The following TCERG1L variants were observed in gnomAD, a reference collection of about 807,000 sequenced individuals.
TCERG1L encodes transcription elongation regulator 1 like.
TCERG1L carries 37 observed loss-of-function variants against 56.3 expected under a neutral mutation model. That is an observed-to-expected ratio of 0.66 (90% CI 0.51 to 0.87). TCERG1L has a LOEUF of 0.87. Among genes scored for constraint, TCERG1L ranks in the 40% least tolerant of loss-of-function variants. The probability of loss-of-function intolerance (pLI) is 0.00; values close to 1 mark genes in which losing one functional copy is unlikely to be tolerated. For missense variants in TCERG1L, 799 were observed against 774.2 expected (o/e 1.03, Z -0.38); for synonymous variants, 324 against 326.3 (o/e 0.99, Z 0.08).
At chr10:131,178,131 G>A (rs1845128320) in intron 4 of TCERG1L, among the ~76,000 whole-genome samples, 1 of 152,084 alleles carries the variant, frequency 6.6e-6, no homozygotes, top group South Asian at 2.1e-4. Context: ...TGAGGACCCT[G>A]CCTCCCTGCT....
chr10:131,210,224 T>A (rs761097661), intron 4 of TCERG1L, among the ~76,000 whole-genome samples: 57 of 152,354 alleles, frequency 3.7e-4, no homozygotes, highest in Non-Finnish European at 6.8e-4. Flanking sequence ...ATTTTCCAGA[T>A]GAGGAGACTG....
chr10:131,111,299 A>G (rs1026618989), intron 9 of TCERG1L, among the ~76,000 whole-genome samples: 2 of 142,076 alleles, frequency 1.4e-5, no homozygotes, highest in Admixed American at 6.9e-5. Flanking sequence ...TGTGGTCCTC[A>G]GGGTGTCCCA....
At chr10:131,302,618 T>C (rs1470842487) in intron 3 of TCERG1L, among the ~76,000 whole-genome samples, 7 of 151,088 alleles carry the variant, frequency 4.6e-5, no homozygotes, top group Admixed American at 2.0e-4. Context: ...CTTTTTTTTT[T>C]TTTTCTCAAT....
intron 4 of TCERG1L, among the ~76,000 whole-genome samples, chr10:131,220,812 G>T (rs1366342772): frequency 6.6e-6 from 1 of 152,228 alleles, no homozygotes; most frequent in Non-Finnish European, 1.5e-5. Context: ...AAGGGGGTGG[G>T]GGTGGAGAGC....
At position 131,092,878 on chromosome 10, in the gene TCERG1L, C is replaced by T. The variant is rs977305185; in HGVS notation, c.*284G>A. 2 of 294,252 alleles carry T rather than the reference C, an allele frequency of 6.8e-6. No homozygotes were observed. The highest frequency in any genetic ancestry group is 4.4e-5 in the African/African-American group (2 of 45,830). The allele number at this position is 294,252 out of a possible 1,614,324, so 18.2% of individuals were successfully genotyped here. A position where few individuals can be genotyped will look rare whatever the true frequency, so the allele number is the denominator to read the frequency against. On this transcript the variant is annotated 3_prime_UTR_variant, in exon 12 of 12. Transcript: ENST00000368642. ...CCGTTCCTGCTTCCCCACAGTCCTGCAGTGGATTGATAATTTGTGTATATT... is the reference window on the plus strand; with the variant it reads ...CCGTTCCTGCTTCCCCACAGTCCTGTAGTGGATTGATAATTTGTGTATATT...
intron 3 of TCERG1L, among the ~76,000 whole-genome samples, chr10:131,285,550 GGAAGGAAGAAAGAA>G (rs1454036706): frequency 0.022 from 3,043 of 139,052 alleles, 74 homozygotes; most frequent in East Asian, 0.044. Flanking sequence ...AAGAAAGAAA[GGAAGGAAGAAAGAA>G]AAAGAAAGAA....
intron 3 of TCERG1L, among the ~76,000 whole-genome samples, chr10:131,298,555 A>C (rs1846722456): frequency 6.6e-6 from 1 of 152,134 alleles, no homozygotes; most frequent in Non-Finnish European, 1.5e-5. Context: ...CAGGTACTAC[A>C]GGCACATGCC....
intron 4 of TCERG1L, among the ~76,000 whole-genome samples, chr10:131,223,496 C>G (rs1845757935): frequency 6.6e-6 from 1 of 152,180 alleles, no homozygotes; most frequent in Non-Finnish European, 1.5e-5. Flanking sequence ...TCTGCCGTTT[C>G]TATTTGTTGG....
intron 4 of TCERG1L, 101 bp from the exon 5 acceptor site, chr10:131,166,986 G>C (rs1846038453): frequency 1.0e-6 from 1 of 992,416 alleles, no homozygotes; most frequent in Non-Finnish European, 1.5e-6. Flanking sequence ...ATTAGAATTG[G>C]TCAGTAGACA....
In TCERG1L at chr10:131,106,509, T is replaced by C. The variant is rs574918795; in HGVS notation, c.1396-2155A>G. Among the ~76,000 whole-genome samples, 60 of 152,236 alleles carry C rather than the reference T, an allele frequency of 3.9e-4. No individual in the cohort carries two copies. In the South Asian group the frequency reaches 5.0e-3, roughly 13 times the overall value. ...TCATGAACTATGGGGAATGCAGGAA[T>C]TGCAAGAGGTTGAACATGCCTGGGG... On this transcript the variant is annotated intron_variant, in intron 9 of 11. Coordinates refer to ENST00000368642, the MANE Select transcript of TCERG1L (RefSeq NM_174937.4).
At chr10:131,149,834 G>A (rs1203340307) in intron 6 of TCERG1L, among the ~76,000 whole-genome samples, 4 of 152,194 alleles carry the variant, frequency 2.6e-5, no homozygotes, top group African/African-American at 9.7e-5. Flanking sequence ...AAGAAACCCT[G>A]AGCCCGCCTC....
At chr10:131,302,102 T>C (rs1274606821) in intron 3 of TCERG1L, among the ~76,000 whole-genome samples, 4 of 152,108 alleles carry the variant, frequency 2.6e-5, no homozygotes, top group Non-Finnish European at 4.4e-5. Flanking sequence ...TGCATTTGTA[T>C]GACTTTCTTG....
intron 5 of TCERG1L, among the ~76,000 whole-genome samples, chr10:131,165,113 A>C (rs1846017650): frequency 6.6e-6 from 1 of 152,270 alleles, no homozygotes; most frequent in Admixed American, 6.5e-5. Context: ...AGCTCAACCA[A>C]GTAAGTCTGT....
At chr10:131,241,070 G>A (rs1845966383) in intron 4 of TCERG1L, among the ~76,000 whole-genome samples, 1 of 152,174 alleles carries the variant, frequency 6.6e-6, no homozygotes, top group Non-Finnish European at 1.5e-5. Flanking sequence ...GATCATCAGA[G>A]AGAAGAGCTC....
chr10:131,125,207 A>ATGATGGT (rs545620568), intron 8 of TCERG1L, among the ~76,000 whole-genome samples: 1 of 70,564 alleles, frequency 1.4e-5, no homozygotes, highest in African/African-American at 3.8e-5. Flanking sequence ...ATGGTGATGA[A>ATGATGGT]CATGATGATG....
intron 4 of TCERG1L, among the ~76,000 whole-genome samples, chr10:131,220,704 C>T (rs1643171183): frequency 6.6e-6 from 1 of 152,144 alleles, no homozygotes; most frequent in Non-Finnish European, 1.5e-5. Context: ...GGCAGCCAGG[C>T]CGGACCAGGC....
intron 3 of TCERG1L, among the ~76,000 whole-genome samples, chr10:131,275,866 C>A (rs1205265030): frequency 6.6e-6 from 1 of 152,154 alleles, no homozygotes; most frequent in East Asian, 1.9e-4. Context: ...ACTGGAGATC[C>A]AGCACAAGGT....
chr10:131,240,911 G>C (rs1203578050), intron 4 of TCERG1L, among the ~76,000 whole-genome samples: 1 of 152,246 alleles, frequency 6.6e-6, no homozygotes, highest in Non-Finnish European at 1.5e-5. Context: ...GGCTGCAGCG[G>C]CATCAGGGCC....
At chr10:131,204,872 G>A (rs1845499555) in intron 4 of TCERG1L, among the ~76,000 whole-genome samples, 1 of 152,158 alleles carries the variant, frequency 6.6e-6, no homozygotes, top group African/African-American at 2.4e-5. Context: ...CTTGATGGAG[G>A]TTCACACCAT....
Sources: gnomAD v4.1 joint callset for allele counts (sites outside exome capture counted in the v4.1 genomes callset) on GRCh38, gnomAD v4.1.1 for gene constraint, MANE v1.5 for transcripts, NCBI Gene and HGNC (gene_info 2026-07-23, HGNC 2026-07-21) for gene names.